The following CUBN variants were observed in gnomAD, a reference collection of about 807,000 sequenced individuals.
CUBN encodes 460 kDa receptor.
A neutral mutation model predicts 405.3 loss-of-function variants in CUBN; 282 were observed. The observed-to-expected ratio is 0.70, with a 90% confidence interval of 0.63 to 0.77. CUBN has a LOEUF of 0.77. CUBN is among the 30% of genes least tolerant of loss of function. The pLI is 0.00. For missense variants in CUBN, 4,514 were observed against 4,475.2 expected (o/e 1.01, Z -0.25); for synonymous variants, 1,684 against 1,617.0 (o/e 1.04, Z -0.99).
At chr10:17,028,009 A>G (rs964606474) in intron 27 of CUBN, among the ~76,000 whole-genome samples, 1 of 152,162 alleles carries the variant, frequency 6.6e-6, no homozygotes, top group Non-Finnish European at 1.5e-5. Flanking sequence ...AAAAATTTTA[A>G]AAATAATAAT....
At chr10:16,991,106 A>G (rs1432307778) in intron 28 of CUBN, among the ~76,000 whole-genome samples, 1 of 152,268 alleles carries the variant, frequency 6.6e-6, no homozygotes, top group Non-Finnish European at 1.5e-5. Context: ...AACCAAGGAA[A>G]AAGACAACAG....
chr10:16,886,284 C>T (rs746711117), intron 56 of CUBN, among the ~76,000 whole-genome samples: 5 of 152,098 alleles, frequency 3.3e-5, no homozygotes, highest in Non-Finnish European at 5.9e-5. Flanking sequence ...TAAATTTATC[C>T]ATTTATGAGT....
At position 16,982,620 on chromosome 10, in the gene CUBN, T is replaced by C; in HGVS notation, c.4559A>G (p.Glu1520Gly). 1 of 1,613,390 alleles carries C rather than the reference T, an allele frequency of 6.2e-7. No homozygotes were observed. ...ACTGGGGTAATTTGGAGAATGAATC[T>C]CTCCACTGGGAGCCTGGAAAATCCC... The part of the protein sequence containing the change: ...CGGIFQAPSG[E>G]IHSPNYPSPY... Residue 1520 changes from glutamate to glycine, a missense_variant, in exon 31 of 67, where the codon GAG (glutamate) becomes GGG (glycine). This residue lies in a region of CUBN where 1,613 missense variants were observed against 1,542.8 expected (regional missense o/e 1.05). Coordinates refer to ENST00000377833, the MANE Select transcript of CUBN (RefSeq NM_001081.4).
chr10:16,962,772 C>T (rs1467100363), intron 31 of CUBN, among the ~76,000 whole-genome samples: 3 of 152,318 alleles, frequency 2.0e-5, no homozygotes, highest in African/African-American at 7.2e-5. Flanking sequence ...CCTCAGCCAA[C>T]AGCCTGCAAG....
chr10:16,855,644 G>C lies in CUBN; in HGVS notation c.9455-4201C>G, dbSNP rs139291800. On this transcript the variant is annotated intron_variant, in intron 59 of 66. Transcript: ENST00000377833. ...CTTTCATTATAAGACACTGAATTTTGGATGGTTTGTTAAGTAGCACTGTCA... is the reference window on the plus strand; with the variant it reads ...CTTTCATTATAAGACACTGAATTTTCGATGGTTTGTTAAGTAGCACTGTCA... 2.1e-3 allele frequency among the ~76,000 whole-genome samples: 326 copies of C among 152,200 alleles called. 1 individual carries two copies. The highest frequency in any genetic ancestry group is 7.5e-3 in the African/African-American group (310 of 41,528).
chr10:16,901,152 CT>C (rs1841351880), intron 52 of CUBN, among the ~76,000 whole-genome samples, 185 bp downstream of exon 52: 1 of 152,190 alleles, frequency 6.6e-6, no homozygotes, highest in African/African-American at 2.4e-5. Context: ...AGATTTCACT[CT>C]TCATGAATAA....
chr10:16,896,935 C>T (rs1388321338), intron 54 of CUBN, among the ~76,000 whole-genome samples: 1 of 152,142 alleles, frequency 6.6e-6, no homozygotes, highest in Non-Finnish European at 1.5e-5. Context: ...TCTGTCATCT[C>T]CATGCTACTA....
In CUBN at chr10:16,903,928, A is replaced by G. The variant is rs115917830; in HGVS notation, c.8062+38T>C. Reference sequence around the variant, plus strand: ...TTATGGAAAAAAATCATTAATCTTTATAAGTAATTTTATCAAGATCTTAAT... The same window carrying G: ...TTATGGAAAAAAATCATTAATCTTTGTAAGTAATTTTATCAAGATCTTAAT... On this transcript the variant is annotated intron_variant, in intron 51 of 66. Coordinates refer to ENST00000377833, the MANE Select transcript of CUBN (RefSeq NM_001081.4). 4.9e-4 allele frequency: 685 copies of G among 1,408,760 alleles called. 5 individuals carry two copies. In the African/African-American group the frequency reaches 8.3e-3, roughly 17 times the overall value. The allele number at this position is 1,408,760 out of a possible 1,614,324, so 87.3% of individuals were successfully genotyped here.
At chr10:17,048,600 C>T (rs1175632190) in intron 22 of CUBN, among the ~76,000 whole-genome samples, 1 of 152,020 alleles carries the variant, frequency 6.6e-6, no homozygotes, top group Non-Finnish European at 1.5e-5. Flanking sequence ...GTCTCAGCCT[C>T]CCCAGCAGCT....
At chr10:17,037,669 G>A (rs775602532) in intron 27 of CUBN, among the ~76,000 whole-genome samples, 69 of 152,326 alleles carry the variant, frequency 4.5e-4, no homozygotes, top group African/African-American at 1.6e-3. Flanking sequence ...TCCCACACAC[G>A]TGAACTAGAT....
At chr10:17,065,727 T>C in intron 21 of CUBN, 89 bp from the exon 22 acceptor site, 6 of 1,489,610 alleles carry the variant, frequency 4.0e-6, no homozygotes, top group African/African-American at 1.4e-5. Flanking sequence ...GTAAATATAA[T>C]AATAGGTTTT....
intron 27 of CUBN, among the ~76,000 whole-genome samples, chr10:17,034,069 T>G (rs929148627): frequency 3.3e-5 from 5 of 152,262 alleles, no homozygotes; most frequent in Middle Eastern, 3.4e-3. Context: ...CAGGATGACA[T>G]CAGCAAGGAT....
chr10:17,126,660 A>G, intron 4 of CUBN, 101 bp downstream of exon 4: 1 of 1,301,930 alleles, frequency 7.7e-7, no homozygotes, highest in South Asian at 1.2e-5. Context: ...AGTTTTTAAT[A>G]TTAATCATCC....
At chr10:16,904,520 G>C (rs771705986) in intron 50 of CUBN, among the ~76,000 whole-genome samples, 2 of 152,168 alleles carry the variant, frequency 1.3e-5, no homozygotes, top group Non-Finnish European at 2.9e-5. Flanking sequence ...CCTAAAATTT[G>C]AAAGATTTCT....
At chr10:16,991,628 T>C (rs1290817220) in intron 28 of CUBN, among the ~76,000 whole-genome samples, 1 of 88,818 alleles carries the variant, frequency 1.1e-5, no homozygotes, top group Non-Finnish European at 2.8e-5. Flanking sequence ...GGCCTCTTTT[T>C]CTGTTTTTTT....
intron 28 of CUBN, among the ~76,000 whole-genome samples, chr10:16,992,266 A>G (rs1293415205): frequency 6.6e-6 from 1 of 152,304 alleles, no homozygotes; most frequent in African/African-American, 2.4e-5. Flanking sequence ...GGGGAGGGAT[A>G]GCATTAGGAG....
intron 51 of CUBN, among the ~76,000 whole-genome samples, chr10:16,903,644 AATTATTATTAATAATTATTT>A (rs955023237): frequency 1.4e-5 from 2 of 147,356 alleles, no homozygotes; most frequent in African/African-American, 4.9e-5. Context: ...ATTAAATAAT[AATTATTATTAATAATTATTT>A]ATTATTATTA....
At chr10:17,113,448 TATG>T (rs1836815273) in intron 8 of CUBN, among the ~76,000 whole-genome samples, 1 of 151,896 alleles carries the variant, frequency 6.6e-6, no homozygotes, top group East Asian at 1.9e-4. Flanking sequence ...GTGTGGAATA[TATG>T]ATGACTATCT....
intron 59 of CUBN, among the ~76,000 whole-genome samples, chr10:16,866,373 A>G (rs1182100249): frequency 3.3e-5 from 5 of 152,164 alleles, no homozygotes; most frequent in Non-Finnish European, 7.3e-5. Flanking sequence ...TACGTTTGCA[A>G]GTGTGAAGTG....
Sources: gnomAD v4.1 joint callset for allele counts (sites outside exome capture counted in the v4.1 genomes callset) on GRCh38, gnomAD v4.1.1 for gene constraint, gnomAD v4.1.1 regional missense constraint, MANE v1.5 for transcripts, NCBI Gene and HGNC (gene_info 2026-07-23, HGNC 2026-07-21) for gene names.